The following IL18 variants were observed in gnomAD, a reference collection of about 807,000 sequenced individuals.
IL18 encodes interleukin-18.
In IL18, 8 loss-of-function variants were observed where a neutral mutation model predicts 14.2. That is an observed-to-expected ratio of 0.56 (90% CI 0.33 to 1.01). The LOEUF is 1.01. Ranked by LOEUF, IL18 falls within the 50% of genes least tolerant of loss-of-function variation. The pLI is 0.03. For synonymous variants in IL18, 67 were observed against 71.0 expected, an observed-to-expected ratio of 0.94 and a Z score of 0.28; for missense variants, 166 against 231.1, an observed-to-expected ratio of 0.72 and a Z score of 1.83.
intron 5 of IL18, among the ~76,000 whole-genome samples, chr11:112,147,563 C>G (rs1866364069): frequency 6.6e-6 from 1 of 152,194 alleles, no homozygotes; most frequent in Non-Finnish European, 1.5e-5. Context: ...AGCTGCCTGT[C>G]AGGTCTAGAA....
intron 5 of IL18, among the ~76,000 whole-genome samples, chr11:112,147,228 C>T (rs1282560283): frequency 6.6e-6 from 1 of 152,176 alleles, no homozygotes; most frequent in Non-Finnish European, 1.5e-5. Context: ...CCACGCCCAG[C>T]CACATTCTTT....
chr11:112,156,494 G>A (rs1269854789), intron 1 of IL18, among the ~76,000 whole-genome samples: 6 of 151,774 alleles, frequency 4.0e-5, no homozygotes, highest in East Asian at 1.9e-4. Context: ...GCAGTGGCAC[G>A]ATCTCAGCTC....
At chr11:112,160,444 C>T (rs1479772891) in intron 1 of IL18, among the ~76,000 whole-genome samples, 1 of 152,030 alleles carries the variant, frequency 6.6e-6, no homozygotes, top group Non-Finnish European at 1.5e-5. Flanking sequence ...GTCCTACCTC[C>T]TTCACACCTG....
intron 3 of IL18, among the ~76,000 whole-genome samples, chr11:112,152,137 G>A (rs1296930663): frequency 2.0e-5 from 3 of 152,250 alleles, no homozygotes; most frequent in African/African-American, 7.2e-5. Context: ...AACGAAATGC[G>A]TCATCCATCC....
intron 3 of IL18, 89 bp from the exon 4 acceptor site, chr11:112,150,295 C>G (rs768540801): frequency 8.5e-6 from 7 of 827,866 alleles, no homozygotes; most frequent in Middle Eastern, 7.2e-4. Context: ...TTTTCTAAAA[C>G]TATTAATGAC....
At chr11:112,145,203 C>G (rs1866315176) in intron 5 of IL18, among the ~76,000 whole-genome samples, 1 of 152,302 alleles carries the variant, frequency 6.6e-6, no homozygotes, top group Non-Finnish European at 1.5e-5. Flanking sequence ...AATCAGTAGT[C>G]ATAACTCTTG....
In IL18 at chr11:112,147,962, A is replaced by G. The variant is rs1866370826; in HGVS notation, c.360+641T>C. On this transcript the variant is annotated intron_variant, in intron 5 of 5. Transcript: ENST00000280357. ...AGGAAATAGAGAAAAATAATAGAGA[A>G]TAATAATGGAGAATAATAGAGAAAA... 2.6e-5 allele frequency among the ~76,000 whole-genome samples: 4 copies of G among 152,208 alleles called. No individual in the cohort carries two copies. In the South Asian group the frequency reaches 8.3e-4, roughly 32 times the overall value.
chr11:112,156,403 G>A (rs375695877), intron 1 of IL18, among the ~76,000 whole-genome samples: 13 of 152,044 alleles, frequency 8.6e-5, no homozygotes, highest in East Asian at 5.8e-4. Flanking sequence ...ATCTAAGTGC[G>A]AACAGTTATT....
intron 2 of IL18, among the ~76,000 whole-genome samples, chr11:112,154,621 T>C (rs1866501742): frequency 2.0e-5 from 3 of 152,248 alleles, no homozygotes; most frequent in Admixed American, 2.0e-4. Context: ...CAATTTGCTT[T>C]GGGAAATTGT....
In IL18 at chr11:112,143,504, A is replaced by G. The variant is rs201273835; in HGVS notation, c.*92T>C. 3.7e-4 allele frequency: 278 copies of G among 759,094 alleles called. 1 individual carries two copies. The African/African-American group carries it at 4.3e-3, about 12-fold the overall frequency. The allele number at this position is 759,094 out of a possible 1,614,324, so 47.0% of individuals were successfully genotyped here. A position where few individuals can be genotyped will look rare whatever the true frequency, so the allele number is the denominator to read the frequency against. ...ACCATGTTGGTCAGGCTGGTCTTGAACACCTGACCTCTGGTGATCTGCCCG... is the reference window on the plus strand; with the variant it reads ...ACCATGTTGGTCAGGCTGGTCTTGAGCACCTGACCTCTGGTGATCTGCCCG... On this transcript the variant is annotated 3_prime_UTR_variant, in exon 6 of 6. Transcript: ENST00000280357.
In IL18 at chr11:112,148,690, G is replaced by A; in HGVS notation, c.273C>T (p.Ser91=). 1 of 1,505,470 alleles carries A rather than the reference G, an allele frequency of 6.6e-7. No individual in the cohort carries two copies. The highest frequency in any genetic ancestry group is 1.3e-5 in the South Asian group (1 of 78,572). 93.3% of individuals were successfully genotyped at this position (1,505,470 alleles called of 1,614,324 possible). Residue 91 remains serine, a synonymous_variant, in exon 5 of 6, where the codon AGC becomes AGT. Coordinates refer to ENST00000280357, the MANE Select transcript of IL18 (RefSeq NM_001562.4). ...TAGTTACAGCCATACCTCTAGGCTGGCTATCTTTATACATACTTATAATAA... is the reference window on the plus strand; with the variant it reads ...TAGTTACAGCCATACCTCTAGGCTGACTATCTTTATACATACTTATAATAA... The part of the protein sequence containing the change: ...TIFIISMYKD[S]QPRGMAVTIS...
At position 112,143,583 on chromosome 11, in the gene IL18, GA is replaced by G. The variant is rs766695276; in HGVS notation, c.*12del. ...AGGCGTGAGCCACTGCGCCCGGCAT[GA>G]AATTTTAATAGCTAGTCTTCGTTTT... On this transcript the variant is annotated 3_prime_UTR_variant, in exon 6 of 6. Coordinates refer to ENST00000280357, the MANE Select transcript of IL18 (RefSeq NM_001562.4). The G allele has an allele frequency of 7.0e-6, 11 of 1,581,834 alleles. 1 individual carries two copies. The South Asian group carries it at 1.2e-4, about 18-fold the overall frequency.
chr11:112,150,391 A>T, intron 3 of IL18, 185 bp from the exon 4 acceptor site: 1 of 526,236 alleles, frequency 1.9e-6, no homozygotes, highest in South Asian at 2.2e-5. Context: ...TCTTGTTACC[A>T]TTCAGAACTA....
At chr11:112,148,394 A>C (rs1866377552) in intron 5 of IL18, among the ~76,000 whole-genome samples, 1 of 152,178 alleles carries the variant, frequency 6.6e-6, no homozygotes, top group Non-Finnish European at 1.5e-5. Flanking sequence ...CATCATTATC[A>C]CAATAGGTAA....
At chr11:112,147,647 G>T (rs1339358180) in intron 5 of IL18, among the ~76,000 whole-genome samples, 1 of 152,186 alleles carries the variant, frequency 6.6e-6, no homozygotes, top group African/African-American at 2.4e-5. Context: ...TTGTCTGGGG[G>T]CTGTATCTGT....
intron 4 of IL18, among the ~76,000 whole-genome samples, chr11:112,149,847 A>G (rs572395390): frequency 2.0e-4 from 30 of 152,294 alleles, no homozygotes; most frequent in African/African-American, 7.0e-4. Flanking sequence ...GGTGATTCAA[A>G]GGCAGGCTCA....
At chr11:112,159,484 C>T (rs902955865) in intron 1 of IL18, among the ~76,000 whole-genome samples, 5 of 152,054 alleles carry the variant, frequency 3.3e-5, no homozygotes, top group Admixed American at 2.0e-4. Flanking sequence ...TACTAAACAG[C>T]GGGATTTCTC....
Position 112,148,594 on chromosome 11 carries a change from C to T in IL18, c.360+9G>A. ...ACATGATTGAAAACAAAGTAAGGCT[C>T]AGTCTTACCTTAAAGGAAATAATTT... is the stretch of plus-strand genomic sequence containing the variant. On this transcript the variant is annotated intron_variant, in intron 5 of 5. Coordinates refer to ENST00000280357, the MANE Select transcript of IL18 (RefSeq NM_001562.4). 2.1e-6 allele frequency: 3 copies of T among 1,417,350 alleles called. No individual in the cohort carries two copies. The highest frequency in any genetic ancestry group is 2.8e-6 in the Non-Finnish European group (3 of 1,059,290). 87.8% of individuals were successfully genotyped at this position (1,417,350 alleles called of 1,614,324 possible).
At chr11:112,145,740 AAAAAAAAG>A (rs546354708) in intron 5 of IL18, among the ~76,000 whole-genome samples, 4,814 of 151,598 alleles carry the variant, frequency 0.032, 136 homozygotes, top group Admixed American at 0.096. Flanking sequence ...CTCCGTTTCA[AAAAAAAAG>A]AAAAAAAGAA....
Sources: allele counts gnomAD v4.1 joint callset (sites outside exome capture counted in the v4.1 genomes callset), GRCh38; gene constraint gnomAD v4.1.1; transcripts MANE v1.5; gene names NCBI Gene and HGNC (gene_info 2026-07-23, HGNC 2026-07-21).